MTMR7: variants seen among roughly 807,000 people sequenced by gnomAD.
The protein encoded by MTMR7 is myotubularin related protein 7.
In MTMR7, 76 loss-of-function variants were observed where a neutral mutation model predicts 81.2. The ratio of observed to expected loss-of-function variants is 0.94; its 90% CI spans 0.78 to 1.13. MTMR7 has a LOEUF of 1.13. MTMR7 is among the 50% of genes most tolerant of loss of function. The pLI is 0.00. For missense variants in MTMR7, 1,044 were observed against 820.0 expected, an observed-to-expected ratio of 1.27 and a Z score of -3.34; for synonymous variants, 372 against 289.8, an observed-to-expected ratio of 1.28 and a Z score of -2.88.
At chr8:17,395,676 G>A (rs959701436) in intron 1 of MTMR7, among the ~76,000 whole-genome samples, 1 of 152,248 alleles carries the variant, frequency 6.6e-6, no homozygotes, top group East Asian at 1.9e-4. Context: ...CTAATGGCTG[G>A]TGATGTTGGC....
intron 1 of MTMR7, among the ~76,000 whole-genome samples, chr8:17,374,243 T>G (rs1820503715): frequency 6.6e-6 from 1 of 152,224 alleles, no homozygotes; most frequent in African/African-American, 2.4e-5. Context: ...CCCAGCACTT[T>G]GGGAAGCCGA....
chr8:17,409,286 CCT>C (rs1209054072), intron 1 of MTMR7, among the ~76,000 whole-genome samples: 1 of 152,066 alleles, frequency 6.6e-6, no homozygotes, highest in African/African-American at 2.4e-5. Context: ...TAGTGAAACC[CCT>C]GTCTCTACTA....
At chr8:17,311,872 A>G in intron 8 of MTMR7, 1 of 556,994 alleles carries the variant, frequency 1.8e-6, no homozygotes, top group Non-Finnish European at 3.2e-6. Context: ...GTCACCTCCA[A>G]TAAGCGCATG....
At chr8:17,341,568 C>A in intron 5 of MTMR7, 71 bp from the exon 6 acceptor site, 1 of 1,545,520 alleles carries the variant, frequency 6.5e-7, no homozygotes, top group South Asian at 1.2e-5. Flanking sequence ...CTACGTGTGT[C>A]TCCAGAACAA....
intron 3 of MTMR7, among the ~76,000 whole-genome samples, chr8:17,365,674 C>A (rs975694438): frequency 2.0e-5 from 3 of 152,186 alleles, no homozygotes; most frequent in African/African-American, 7.2e-5. Flanking sequence ...TGCCTTTGGA[C>A]TGTGGGAGTA....
intron 1 of MTMR7, among the ~76,000 whole-genome samples, chr8:17,404,642 A>C (rs2150585941): frequency 1.3e-5 from 2 of 152,318 alleles, no homozygotes; most frequent in Admixed American, 1.3e-4. Flanking sequence ...ATACTAGCAG[A>C]CACAATCCTA....
chr8:17,398,022 C>T (rs987379179), intron 1 of MTMR7, among the ~76,000 whole-genome samples: 1 of 152,136 alleles, frequency 6.6e-6, no homozygotes, highest in Admixed American at 6.5e-5. Context: ...AGGCCACCAC[C>T]GACGTTCGCT....
At chr8:17,367,867 GGTT>G (rs1820279049) in intron 3 of MTMR7, among the ~76,000 whole-genome samples, 2 of 146,096 alleles carry the variant, frequency 1.4e-5, no homozygotes, top group African/African-American at 5.2e-5. Flanking sequence ...TAAGGTTTGG[GGTT>G]TTTTTTTTTT....
At chr8:17,331,335 A>G in intron 6 of MTMR7, 53 bp from the exon 7 acceptor site, 1 of 1,524,454 alleles carries the variant, frequency 6.6e-7, no homozygotes, top group Non-Finnish European at 8.8e-7. Flanking sequence ...TGAAACAATG[A>G]TGAAACAACC....
At chr8:17,319,333 C>T (rs1312449056) in intron 7 of MTMR7, among the ~76,000 whole-genome samples, 3 of 152,218 alleles carry the variant, frequency 2.0e-5, no homozygotes, top group Non-Finnish European at 4.4e-5. Context: ...AGAAGATTCC[C>T]GAAAATGGTA....
chr8:17,362,289 A>AT (rs1820084067), intron 3 of MTMR7, among the ~76,000 whole-genome samples: 1 of 152,222 alleles, frequency 6.6e-6, no homozygotes, highest in Non-Finnish European at 1.5e-5. Flanking sequence ...TTTCACATGT[A>AT]TTTGGCACTT....
chr8:17,387,755 T>C (rs1328437262), intron 1 of MTMR7, among the ~76,000 whole-genome samples: 1 of 151,998 alleles, frequency 6.6e-6, no homozygotes, highest in Non-Finnish European at 1.5e-5. Flanking sequence ...AAAAATATGC[T>C]TTGAGAAATT....
At chr8:17,391,191 A>C (rs1310534855) in intron 1 of MTMR7, among the ~76,000 whole-genome samples, 1 of 152,148 alleles carries the variant, frequency 6.6e-6, no homozygotes. Flanking sequence ...TGAGGTGCCC[A>C]GTAGATGGAC....
At position 17,298,101 on chromosome 8, in the gene MTMR7, A is replaced by G. The variant is rs1425028369; in HGVS notation, c.*1761T>C. On this transcript the variant is annotated 3_prime_UTR_variant, in exon 14 of 14. Coordinates refer to ENST00000180173, the MANE Select transcript of MTMR7 (RefSeq NM_004686.5). The stretch of plus-strand genomic sequence containing the variant: ...GTCAAACGGAAGAAATTAAAGCCAC[A>G]TCCTCAATATTAGGCAACAGAGTTT... The G allele has an allele frequency of 1.3e-5, 2 of 152,068 alleles. No homozygotes were observed. The highest frequency in any genetic ancestry group is 2.9e-5 in the Non-Finnish European group (2 of 67,930). 9.4% of individuals were successfully genotyped at this position (152,068 alleles called of 1,614,324 possible).
intron 7 of MTMR7, among the ~76,000 whole-genome samples, chr8:17,319,483 A>C (rs915513682): frequency 6.6e-6 from 1 of 152,172 alleles, no homozygotes; most frequent in East Asian, 1.9e-4. Flanking sequence ...AAGACATCTC[A>C]AATGCAAGTC....
intron 1 of MTMR7, among the ~76,000 whole-genome samples, chr8:17,400,067 A>C (rs1258385702): frequency 6.6e-6 from 1 of 152,196 alleles, no homozygotes; most frequent in East Asian, 1.9e-4. Flanking sequence ...TACCCTTTAA[A>C]AAATTCTTGA....
chr8:17,330,429 G>A (rs1364784686), intron 7 of MTMR7, among the ~76,000 whole-genome samples: 2 of 152,234 alleles, frequency 1.3e-5, no homozygotes, highest in Non-Finnish European at 2.9e-5. Flanking sequence ...GGAAGTGGTA[G>A]ACTACAGCGA....
chr8:17,349,148 A>G (rs1819652016), intron 4 of MTMR7, 67 bp from the exon 5 acceptor site: 1 of 1,559,738 alleles, frequency 6.4e-7, no homozygotes, highest in Admixed American at 1.7e-5. Flanking sequence ...GCCCCCAGAA[A>G]TTCCACTTCA....
At chr8:17,340,416 G>A (rs909358815) in intron 6 of MTMR7, among the ~76,000 whole-genome samples, 2 of 152,254 alleles carry the variant, frequency 1.3e-5, no homozygotes, top group Admixed American at 6.5e-5. Context: ...CTAGGAAAGT[G>A]CAATTGCAAA....
Sources: allele counts gnomAD v4.1 joint callset (sites outside exome capture counted in the v4.1 genomes callset), GRCh38; gene constraint gnomAD v4.1.1; transcripts MANE v1.5; gene names NCBI Gene and HGNC (gene_info 2026-07-23, HGNC 2026-07-21).